The following MKNK1 variants were observed in gnomAD, a reference collection of about 807,000 sequenced individuals.
MKNK1 encodes MAPK interacting serine/threonine kinase 1, also known as MAP kinase-interacting serine/threonine-protein kinase 1.
In MKNK1, 30 loss-of-function variants were observed where a neutral mutation model predicts 49.3. That is an observed-to-expected ratio of 0.61 (90% CI 0.46 to 0.83). MKNK1 has a LOEUF of 0.83. Among genes scored for constraint, MKNK1 ranks in the 40% least tolerant of loss-of-function variants. The pLI, the probability that MKNK1 is intolerant of heterozygous loss-of-function variation, is 0.00. For synonymous variants in MKNK1, 176 were observed against 201.7 expected, an observed-to-expected ratio of 0.87 and a Z score of 1.08; for missense variants, 423 against 524.7, an observed-to-expected ratio of 0.81 and a Z score of 1.89.
rs768459307 is a variant in MKNK1 at position 46,594,236 on chromosome 1, G to A, written c.-126C>T. ...CGAAGTGTCTCAATGGCCTTTGTGC[G>A]TAGGTGGCAATCTTCAGTTCTCCAT... On this transcript the variant is annotated 5_prime_UTR_variant, in exon 2 of 13. In the 5' UTR this introduces an upstream ATG that the reference lacks. Transcript: ENST00000371945. 26 of 987,426 alleles carry A rather than the reference G, an allele frequency of 2.6e-5. 1 individual carries two copies. Among genetic ancestry groups the A allele is most frequent in the Admixed American group, 1.2e-4 (7 of 58,762 alleles). The allele number at this position is 987,426 out of a possible 1,614,324, so 61.2% of individuals were successfully genotyped here.
At position 46,561,652 on chromosome 1, in the gene MKNK1, A is replaced by G; in HGVS notation, c.805-10T>C. 7 of 1,613,416 alleles carry G rather than the reference A, an allele frequency of 4.3e-6. No homozygotes were observed. Among genetic ancestry groups the G allele is most frequent in the Non-Finnish European group, 5.9e-6 (7 of 1,179,630 alleles). On this transcript the variant is annotated splice_polypyrimidine_tract_variant and intron_variant, in intron 10 of 12. Coordinates refer to ENST00000371945, the MANE Select transcript of MKNK1 (RefSeq NM_001135553.4). ...TTTCAAACAGCTTGTTCTAGGTACAAAAGATTCCTCCTGAGGCCACACTGC... is the reference window on the plus strand; with the variant it reads ...TTTCAAACAGCTTGTTCTAGGTACAGAAGATTCCTCCTGAGGCCACACTGC...
intron 2 of MKNK1, chr1:46,585,699 C>T: frequency 2.2e-6 from 1 of 445,532 alleles, no homozygotes; most frequent in South Asian, 1.7e-5. Context: ...TTATAATTCA[C>T]AGGGGACACT....
chr1:46,565,130 G>C lies in MKNK1; in HGVS notation c.520C>G (p.Pro174Ala). 2.5e-6 allele frequency: 4 copies of C among 1,614,104 alleles called. No individual in the cohort carries two copies. Among genetic ancestry groups the C allele is most frequent in the Non-Finnish European group, 3.4e-6 (4 of 1,179,972 alleles). The change falls in exon 9 of 13, where the codon CCA becomes GCA. Residue 174 changes from proline (P) to alanine (A), a missense_variant. Physicochemically the swap from Pro to Ala is conservative, Grantham distance 27 (BLOSUM62 -1). Transcript: ENST00000371945. ...AAGTCAAAGTCACAGATTTTCACTG[G>C]AGACACCTGAAAAGGAAAACAGAAG... The part of the protein sequence containing the change: ...ILCESPEKVS[P>A]VKICDFDLGS...
At chr1:46,576,738 G>T (rs1004260865) in intron 4 of MKNK1, 84 bp from the exon 5 acceptor site, 1 of 1,119,926 alleles carries the variant, frequency 8.9e-7, no homozygotes. Flanking sequence ...AGAATGCAAG[G>T]CCACACTCAG....
intron 1 of MKNK1, among the ~76,000 whole-genome samples, chr1:46,601,998 C>T (rs529198034): frequency 2.0e-5 from 3 of 152,134 alleles, no homozygotes; most frequent in Non-Finnish European, 4.4e-5. Flanking sequence ...AAAAGCTTCA[C>T]CATGGAGGCC....
chr1:46,568,306 A>T, intron 8 of MKNK1, 137 bp downstream of exon 8: 1 of 749,660 alleles, frequency 1.3e-6, no homozygotes, highest in Non-Finnish European at 2.3e-6. Flanking sequence ...CAGTAAGTGT[A>T]ACATTCTCAC....
chr1:46,600,378 TC>T (rs2148781507), intron 1 of MKNK1, among the ~76,000 whole-genome samples: 1 of 152,360 alleles, frequency 6.6e-6, no homozygotes, highest in East Asian at 1.9e-4. Flanking sequence ...ATTGAATCTT[TC>T]CATCCTATAC....
At chr1:46,561,777 G>GAAGAGGCCCCAGTCTGT in intron 10 of MKNK1, 135 bp from the exon 11 acceptor site, 1 of 963,030 alleles carries the variant, frequency 1.0e-6, no homozygotes, top group Non-Finnish European at 1.5e-6. Flanking sequence ...CACAGACTGG[G>GAAGAGGCCCCAGTCTGT]GCCTCTTCCC....
At chr1:46,571,993 C>T (rs1474070690) in intron 7 of MKNK1, 70 bp downstream of exon 7, 4 of 1,425,176 alleles carry the variant, frequency 2.8e-6, no homozygotes, top group Non-Finnish European at 4.0e-6. Context: ...CTCTGCCTGG[C>T]CTACCACCTC....
intron 12 of MKNK1, chr1:46,559,935 T>G (rs1667640040): frequency 2.0e-6 from 1 of 505,844 alleles, no homozygotes; most frequent in Admixed American, 3.2e-5. Context: ...AACCCATGGG[T>G]AAGGTCTGTC....
chr1:46,585,556 C>A, intron 2 of MKNK1: 1 of 303,624 alleles, frequency 3.3e-6, no homozygotes, highest in Non-Finnish European at 6.6e-6. Context: ...CACCGCAGGC[C>A]CAGTGCAGAG....
At chr1:46,586,041 C>G in intron 2 of MKNK1, 1 of 717,500 alleles carries the variant, frequency 1.4e-6, no homozygotes, top group Non-Finnish European at 2.2e-6. Flanking sequence ...CCTGGTTACA[C>G]AGGGGGAAGC....
intron 8 of MKNK1, among the ~76,000 whole-genome samples, chr1:46,567,140 G>A (rs1051926838): frequency 1.3e-5 from 2 of 152,100 alleles, no homozygotes; most frequent in Non-Finnish European, 2.9e-5. Flanking sequence ...ATGGGGTCTC[G>A]CTTTGTTGCC....
chr1:46,561,530 G>C lies in MKNK1; in HGVS notation c.917C>G (p.Ala306Gly), dbSNP rs1206696849. The C allele has an allele frequency of 6.2e-7, 1 of 1,614,054 alleles. No individual in the cohort carries two copies. The highest frequency in any genetic ancestry group is 1.7e-5 in the Admixed American group (1 of 60,002). ...DLISKLLVRD[A>G]KQRLSAAQVL... The stretch of plus-strand genomic sequence containing the variant: ...TTGGGCGGCGCTAAGTCTCTGCTTT[G>C]CATCTCGCACCAGGAGCTTGGAGAT... Residue 306 changes from alanine (A) to glycine (G), a missense_variant, in exon 11 of 13, where the codon GCA (alanine) becomes GGA (glycine). Coordinates refer to ENST00000371945, the MANE Select transcript of MKNK1 (RefSeq NM_001135553.4).
intron 4 of MKNK1, 154 bp downstream of exon 4, chr1:46,580,376 C>T (rs899247610): frequency 1.8e-5 from 11 of 621,540 alleles, no homozygotes; most frequent in East Asian, 2.8e-5. Flanking sequence ...GTAACTTGCC[C>T]GAGGTACACA....
intron 8 of MKNK1, among the ~76,000 whole-genome samples, chr1:46,565,889 C>T (rs1239586205): frequency 2.6e-5 from 4 of 152,160 alleles, no homozygotes; most frequent in African/African-American, 7.2e-5. Flanking sequence ...GCAAGTCCCT[C>T]GACTTCTTTC....
intron 6 of MKNK1, among the ~76,000 whole-genome samples, chr1:46,573,232 C>G (rs1670466717): frequency 6.6e-6 from 1 of 152,238 alleles, no homozygotes; most frequent in Admixed American, 6.5e-5. Flanking sequence ...GTGCAGACAT[C>G]CCCCAGCAGG....
intron 9 of MKNK1, among the ~76,000 whole-genome samples, chr1:46,564,124 C>T (rs1310934568): frequency 6.8e-6 from 1 of 146,880 alleles, no homozygotes; most frequent in Non-Finnish European, 1.5e-5. Flanking sequence ...CATAATTATA[C>T]TCTATTAGTT....
chr1:46,603,772 G>T (rs534041385), intron 1 of MKNK1, among the ~76,000 whole-genome samples: 1 of 152,344 alleles, frequency 6.6e-6, no homozygotes, highest in Admixed American at 6.5e-5. Context: ...CATCCACACA[G>T]GCAGGAGCCT....
Sources: gnomAD v4.1 joint callset for allele counts (sites outside exome capture counted in the v4.1 genomes callset) on GRCh38, gnomAD v4.1.1 for gene constraint, MANE v1.5 for transcripts, NCBI Gene and HGNC (gene_info 2026-07-23, HGNC 2026-07-21) for gene names.